Variants in SLF2 observed in about 807,000 individuals in gnomAD.
The protein encoded by SLF2 is SMC5/6 complex localization factor 2, also known as SMC5-SMC6 complex localization factor protein 2.
Under a neutral mutation model 124.3 loss-of-function variants are expected in SLF2, and 68 were observed. The observed-to-expected ratio is 0.55, with a 90% CI of 0.45 to 0.67. The LOEUF is 0.67. Ranked by LOEUF, SLF2 falls within the 30% of genes least tolerant of loss-of-function variation. SLF2 has a pLI of 0.00. For synonymous variants in SLF2, 480 were observed against 478.8 expected (o/e 1.00, Z -0.03); for missense variants, 1,246 against 1,373.7 (o/e 0.91, Z 1.47).
intron 11 of SLF2, among the ~76,000 whole-genome samples, chr10:100,942,151 A>G (rs747882767): frequency 4.5e-4 from 68 of 152,248 alleles, no homozygotes; most frequent in Non-Finnish European, 7.8e-4. Context: ...CTGCAGTTTA[A>G]TGCAATTCTA....
intron 19 of SLF2, among the ~76,000 whole-genome samples, chr10:100,959,934 T>C (rs1412968002): frequency 6.6e-6 from 1 of 152,172 alleles, no homozygotes; most frequent in East Asian, 1.9e-4. Context: ...CATTCCCCTT[T>C]CCTCTACTAC....
Position 100,916,012 on chromosome 10 carries a change from A to T in SLF2, c.154A>T (p.Ile52Leu). ...ESPGDRKQSI[I>L]DFFKPASKQD... is the part of the protein sequence containing the mutation. Reference sequence around the variant, plus strand: ...TTTTATTTTCAGGAAGCAGTCAATTATAGATTTCTTCAAACCAGCTTCAAA... The same window carrying T: ...TTTTATTTTCAGGAAGCAGTCAATTTTAGATTTCTTCAAACCAGCTTCAAA... Residue 52 changes from isoleucine (I) to leucine (L), a missense_variant, in exon 2 of 20, where the codon ATA becomes TTA. Ile to Leu is a conservative substitution (Grantham distance 5). Transcript: ENST00000238961. 1 of 1,611,588 alleles carries T rather than the reference A, an allele frequency of 6.2e-7. No individual in the cohort carries two copies. The highest frequency in any genetic ancestry group is 8.5e-7 in the Non-Finnish European group (1 of 1,178,478).
chr10:100,953,453 T>C (rs1850262022), intron 17 of SLF2, among the ~76,000 whole-genome samples: 1 of 150,208 alleles, frequency 6.7e-6, no homozygotes, highest in Admixed American at 6.6e-5. Flanking sequence ...GGCAATGCCA[T>C]CTCTGTTTAA....
chr10:100,958,015 C>T (rs999775709), intron 18 of SLF2, among the ~76,000 whole-genome samples: 1 of 152,088 alleles, frequency 6.6e-6, no homozygotes, highest in Non-Finnish European at 1.5e-5. Flanking sequence ...CGACACTGCA[C>T]TCCAGCCTGG....
At chr10:100,959,719 T>G in intron 19 of SLF2, 1 of 710,524 alleles carries the variant, frequency 1.4e-6, no homozygotes, top group Non-Finnish European at 2.0e-6. Flanking sequence ...TTTAAAAATA[T>G]TGCATTGCAT....
At chr10:100,916,106 AC>A in intron 2 of SLF2, 64 bp downstream of exon 2, 1 of 1,295,270 alleles carries the variant, frequency 7.7e-7, no homozygotes. Flanking sequence ...GACAGATTCA[AC>A]TTTAAAACCT....
At chr10:100,959,157 G>A (rs932590209) in intron 18 of SLF2, among the ~76,000 whole-genome samples, 10 of 152,306 alleles carry the variant, frequency 6.6e-5, no homozygotes, top group Middle Eastern at 6.8e-3. Context: ...GGCAGAGAAT[G>A]TGTTTTTGGG....
At chr10:100,928,039 C>CA (rs769598763) in intron 6 of SLF2, among the ~76,000 whole-genome samples, 735 of 45,054 alleles carry the variant, frequency 0.016, 44 homozygotes, top group Middle Eastern at 0.045. Flanking sequence ...ACACCCCCCC[C>CA]CCCCCCCACA....
chr10:100,920,244 A>G (rs760690743), intron 4 of SLF2, among the ~76,000 whole-genome samples: 2 of 152,256 alleles, frequency 1.3e-5, no homozygotes, highest in Non-Finnish European at 1.5e-5. Context: ...ATTATTTTAT[A>G]TAAGGGGCTG....
intron 9 of SLF2, among the ~76,000 whole-genome samples, chr10:100,935,382 G>A (rs1459739883): frequency 4.6e-5 from 7 of 151,264 alleles, no homozygotes; most frequent in Admixed American, 1.3e-4. Context: ...GTGACAGTGC[G>A]AGATTCTGTC....
In SLF2 at chr10:100,962,929, T is replaced by C. The variant is rs964051254; in HGVS notation, c.*1017T>C. On this transcript the variant is annotated 3_prime_UTR_variant, in exon 20 of 20. Transcript: ENST00000238961. ...ACAGCTGCTGTAAATTCTTAAACAC[T>C]GGAGAGCCATCCTTTGGTTTAAATG... The C allele has an allele frequency of 6.6e-6, 1 of 152,516 alleles. No individual in the cohort carries two copies. Among genetic ancestry groups the C allele is most frequent in the African/African-American group, 2.4e-5 (1 of 41,400 alleles). The allele number at this position is 152,516 out of a possible 1,614,324, so 9.4% of individuals were successfully genotyped here.
chr10:100,940,856 G>GCCTTCC (rs1308782783), intron 11 of SLF2, among the ~76,000 whole-genome samples: 16 of 99,514 alleles, frequency 1.6e-4, no homozygotes, highest in African/African-American at 4.4e-4. Context: ...CCTTCCATGA[G>GCCTTCC]ATGAGGTCTT....
intron 17 of SLF2, among the ~76,000 whole-genome samples, chr10:100,953,757 AT>A (rs1850269914): frequency 6.6e-6 from 1 of 152,014 alleles, no homozygotes; most frequent in Non-Finnish European, 1.5e-5. Context: ...GGTTCAAGTG[AT>A]TCTCCTGCCT....
intron 15 of SLF2, among the ~76,000 whole-genome samples, chr10:100,949,610 T>G (rs983343170): frequency 2.6e-5 from 4 of 152,106 alleles, no homozygotes; most frequent in Non-Finnish European, 5.9e-5. Context: ...TTTTTTTTTT[T>G]TGAGAGATGT....
At chr10:100,957,107 A>G (rs901244513) in intron 18 of SLF2, among the ~76,000 whole-genome samples, 1 of 152,214 alleles carries the variant, frequency 6.6e-6, no homozygotes, top group African/African-American at 2.4e-5. Flanking sequence ...AAATACTTCT[A>G]GTACTAATGA....
intron 6 of SLF2, among the ~76,000 whole-genome samples, chr10:100,928,687 A>G (rs1418009661): frequency 2.0e-5 from 3 of 152,178 alleles, no homozygotes; most frequent in African/African-American, 7.2e-5. Context: ...TCCTTGCATT[A>G]CAAGCTCTTG....
intron 17 of SLF2, 22 bp from the exon 18 acceptor site, chr10:100,956,429 C>T: frequency 6.4e-7 from 1 of 1,553,262 alleles, no homozygotes; most frequent in Non-Finnish European, 8.8e-7. Flanking sequence ...TTGTTTTCAT[C>T]CCTTGCATTT....
rs1850442216 is a variant in SLF2 at position 100,962,527 on chromosome 10, GT to G, written c.*617del. On this transcript the variant is annotated 3_prime_UTR_variant, in exon 20 of 20. Transcript: ENST00000238961. ...TTTTTAAAATACATCTAAACAAACA[GT>G]TGAGAAACAAAAGTTTGGCATGTTG... 6.6e-6 allele frequency: 1 copy of G among 152,592 alleles called. No homozygotes were observed. The highest frequency in any genetic ancestry group is 6.5e-5 in the Admixed American group (1 of 15,278). The allele number at this position is 152,592 out of a possible 1,614,324, so 9.5% of individuals were successfully genotyped here. A position where few individuals can be genotyped will look rare whatever the true frequency, so the allele number is the denominator to read the frequency against.
chr10:100,937,607 C>T (rs1849889574), intron 10 of SLF2, 130 bp downstream of exon 10: 6 of 681,840 alleles, frequency 8.8e-6, no homozygotes, highest in Admixed American at 3.0e-5. Flanking sequence ...AATCAAAAGT[C>T]GTTTTTTTTG....
Sources: allele counts gnomAD v4.1 joint callset (sites outside exome capture counted in the v4.1 genomes callset), GRCh38; gene constraint gnomAD v4.1.1; transcripts MANE v1.5; gene names NCBI Gene and HGNC (gene_info 2026-07-23, HGNC 2026-07-21).